The following SWT1 variants were observed in gnomAD, a reference collection of about 807,000 sequenced individuals.
SWT1 encodes the protein transcriptional protein SWT1.
In SWT1, 33 loss-of-function variants were observed where a neutral mutation model predicts 107.3. The ratio of observed to expected loss-of-function variants is 0.31; its 90% CI spans 0.23 to 0.41. The LOEUF is 0.41. Among genes scored for constraint, SWT1 ranks in the 10% least tolerant of loss-of-function variants. The pLI is 1.00. For synonymous variants in SWT1, 345 were observed against 348.3 expected (o/e 0.99, Z 0.11); for missense variants, 898 against 1,028.9 (o/e 0.87, Z 1.74).
At chr1:185,164,287 C>T (rs1343452269) in intron 2 of SWT1, among the ~76,000 whole-genome samples, 2 of 151,996 alleles carry the variant, frequency 1.3e-5, no homozygotes, top group Non-Finnish European at 2.9e-5. Context: ...TTCTAGAGCA[C>T]AGGCAGAGTA....
chr1:185,283,704 A>G (rs572617128), intron 18 of SWT1, among the ~76,000 whole-genome samples: 1 of 152,286 alleles, frequency 6.6e-6, no homozygotes, highest in Non-Finnish European at 1.5e-5. Context: ...AGGCAATCAG[A>G]TGCACCCCAT....
At chr1:185,242,128 A>G (rs1428271301) in intron 16 of SWT1, among the ~76,000 whole-genome samples, 1 of 152,194 alleles carries the variant, frequency 6.6e-6, no homozygotes, top group Non-Finnish European at 1.5e-5. Context: ...TTCTTGTTAT[A>G]TTATAGACAC....
At chr1:185,237,186 C>A (rs1322911091) in intron 16 of SWT1, among the ~76,000 whole-genome samples, 1 of 152,160 alleles carries the variant, frequency 6.6e-6, no homozygotes, top group African/African-American at 2.4e-5. Context: ...TTTGACCCAG[C>A]AATCCCGTTC....
chr1:185,160,311 A>G (rs1166270416), intron 1 of SWT1, among the ~76,000 whole-genome samples: 1 of 152,174 alleles, frequency 6.6e-6, no homozygotes, highest in Non-Finnish European at 1.5e-5. Context: ...TGGAAAGGTG[A>G]TAGATGAAGC....
rs1291114865 is a variant in SWT1, at chr1:185,218,484, A to AT, written c.2122-3358dup. On this transcript the variant is annotated intron_variant, in intron 14 of 18. Transcript: ENST00000367500. ...GCCACAATGCTGAGCTAATTTTTAA[A>AT]TTTTTTTGTACAGACTAGGTCTCAC... is the stretch of plus-strand genomic sequence containing the variant. Among the ~76,000 whole-genome samples, 11 of 152,030 alleles carry AT rather than the reference A, an allele frequency of 7.2e-5. No homozygotes were observed. The East Asian group carries it at 1.9e-3, about 27-fold the overall frequency.
intron 18 of SWT1, among the ~76,000 whole-genome samples, chr1:185,280,490 G>A (rs532512212): frequency 6.6e-6 from 1 of 151,992 alleles, no homozygotes; most frequent in African/African-American, 2.4e-5. Flanking sequence ...CTGACACAGA[G>A]CTCCTAAATC....
intron 13 of SWT1, among the ~76,000 whole-genome samples, chr1:185,211,266 A>G (rs1461143208): frequency 6.6e-6 from 1 of 152,272 alleles, no homozygotes; most frequent in Middle Eastern, 3.4e-3. Context: ...CAAAACTGGA[A>G]GCATCACACT....
intron 16 of SWT1, among the ~76,000 whole-genome samples, chr1:185,241,285 C>G (rs1478696469): frequency 6.6e-6 from 1 of 152,080 alleles, no homozygotes; most frequent in East Asian, 1.9e-4. Flanking sequence ...CCATTGTTAT[C>G]TAGAGTGGAG....
At chr1:185,255,523 A>T (rs541204286) in intron 16 of SWT1, among the ~76,000 whole-genome samples, 1 of 125,670 alleles carries the variant, frequency 8.0e-6, no homozygotes, top group East Asian at 2.2e-4. Context: ...TGATCCCTTT[A>T]CCATTATGTA....
At chr1:185,228,121 A>G (rs1660215328) in intron 15 of SWT1, among the ~76,000 whole-genome samples, 1 of 149,432 alleles carries the variant, frequency 6.7e-6, no homozygotes, top group South Asian at 2.1e-4. Flanking sequence ...AAGTCTGGGA[A>G]CCTGTGGTAA....
intron 10 of SWT1, among the ~76,000 whole-genome samples, chr1:185,193,959 C>T (rs1306128279): frequency 6.6e-6 from 1 of 152,148 alleles, no homozygotes; most frequent in Non-Finnish European, 1.5e-5. Flanking sequence ...AAGATAGAAA[C>T]TTGTAGTGAG....
intron 18 of SWT1, among the ~76,000 whole-genome samples, chr1:185,290,219 G>A (rs1347221946): frequency 4.6e-5 from 7 of 151,998 alleles, no homozygotes; most frequent in Non-Finnish European, 4.4e-5. Context: ...TGAGGCTATG[G>A]TGAGCTGTGA....
At chr1:185,205,511 G>A (rs1658264313) in intron 12 of SWT1, among the ~76,000 whole-genome samples, 1 of 152,162 alleles carries the variant, frequency 6.6e-6, no homozygotes, top group Admixed American at 6.5e-5. Context: ...TGGGATTACA[G>A]GCATGTGACA....
chr1:185,213,027 A>T (rs1658945827), intron 13 of SWT1, among the ~76,000 whole-genome samples: 2 of 152,186 alleles, frequency 1.3e-5, no homozygotes, highest in Non-Finnish European at 2.9e-5. Flanking sequence ...TTAAATAATT[A>T]TTGGCCTTAT....
intron 18 of SWT1, among the ~76,000 whole-genome samples, chr1:185,280,647 G>A (rs567188731): frequency 4.9e-4 from 74 of 152,280 alleles, no homozygotes; most frequent in African/African-American, 1.8e-3. Context: ...CTCTCAGAAG[G>A]GGAGAGGGGC....
rs12401889 is a variant in SWT1, at chr1:185,248,606, G to A, written c.2441+16898G>A. Among the ~76,000 whole-genome samples, 516 of 152,000 alleles carry A rather than the reference G, an allele frequency of 3.4e-3. 18 individuals carry two copies. The highest frequency in any genetic ancestry group is 0.027 in the Admixed American group (419 of 15,264). Reference sequence around the variant, plus strand: ...GGTCTGTGTCTTTCATTGGTTCTGGGGTGATGGTTCCTGCTGTCACTGTCA... The same window carrying A: ...GGTCTGTGTCTTTCATTGGTTCTGGAGTGATGGTTCCTGCTGTCACTGTCA... On this transcript the variant is annotated intron_variant, in intron 16 of 18. Coordinates refer to ENST00000367500, the MANE Select transcript of SWT1 (RefSeq NM_017673.7).
chr1:185,222,762 C>CAAAAAAAA (rs59515070), intron 15 of SWT1, among the ~76,000 whole-genome samples: 7 of 36,076 alleles, frequency 1.9e-4, no homozygotes, highest in African/African-American at 3.7e-4. Flanking sequence ...GACGCCATCT[C>CAAAAAAAA]AAAAAAAAAA....
intron 9 of SWT1, 77 bp from the exon 10 acceptor site, chr1:185,190,472 A>T: frequency 1.2e-6 from 1 of 831,284 alleles, no homozygotes; most frequent in Admixed American, 2.1e-5. Context: ...TTTGTTTTGT[A>T]AATACAGCCT....
At position 185,257,109 on chromosome 1, in the gene SWT1, G is replaced by A. The variant is rs537138901; in HGVS notation, c.2442-14214G>A. ...AGGCTGCTCGGGGGTCAGGTGTCAGGGACCCACTTGAGGAGGCAGTCTGCC... is the reference window on the plus strand; with the variant it reads ...AGGCTGCTCGGGGGTCAGGTGTCAGAGACCCACTTGAGGAGGCAGTCTGCC... On this transcript the variant is annotated intron_variant, in intron 16 of 18. Transcript: ENST00000367500. Among the ~76,000 whole-genome samples, 1,026 of 152,198 alleles carry A rather than the reference G, an allele frequency of 6.7e-3. 6 individuals carry two copies. Among genetic ancestry groups the A allele is most frequent in the Non-Finnish European group, 0.011 (755 of 67,988 alleles).
Sources: allele counts gnomAD v4.1 joint callset (sites outside exome capture counted in the v4.1 genomes callset), GRCh38; gene constraint gnomAD v4.1.1; transcripts MANE v1.5; gene names NCBI Gene and HGNC (gene_info 2026-07-23, HGNC 2026-07-21).